The following OTOP1 variants were observed in gnomAD, a reference collection of about 807,000 sequenced individuals.
OTOP1 encodes the protein otopetrin 1.
A neutral mutation model predicts 52.9 loss-of-function variants in OTOP1; 59 were observed. The ratio of observed to expected loss-of-function variants is 1.12; its 90% confidence interval spans 0.91 to 1.39. OTOP1 has a LOEUF of 1.39. OTOP1 is among the 40% of genes most tolerant of loss of function. The probability of loss-of-function intolerance (pLI) is 0.00; values close to 1 mark genes in which losing one functional copy is unlikely to be tolerated. For synonymous variants in OTOP1, 317 were observed against 337.7 expected, an observed-to-expected ratio of 0.94 and a Z score of 0.67; for missense variants, 761 against 800.9, an observed-to-expected ratio of 0.95 and a Z score of 0.60.
At chr4:4,223,406 G>T (rs1717343640) in intron 1 of OTOP1, among the ~76,000 whole-genome samples, 2 of 121,696 alleles carry the variant, frequency 1.6e-5, no homozygotes, top group African/African-American at 7.1e-5. Context: ...TGGATGGACG[G>T]ACAGATGGAT....
chr4:4,199,518 T>C (rs1032613956), intron 4 of OTOP1, among the ~76,000 whole-genome samples: 2 of 152,014 alleles, frequency 1.3e-5, no homozygotes, highest in Admixed American at 1.3e-4. Flanking sequence ...TGCTCAAGCA[T>C]CCTCCTACTT....
At chr4:4,208,256 G>A (rs1716952489) in intron 2 of OTOP1, among the ~76,000 whole-genome samples, 1 of 152,200 alleles carries the variant, frequency 6.6e-6, no homozygotes, top group Non-Finnish European at 1.5e-5. Context: ...CAAATTGTGA[G>A]GGAGGTTTGT....
rs143243019 is a variant in OTOP1 at position 4,197,975 on chromosome 4, C to T, written c.859G>A (p.Val287Ile). 3.1e-5 allele frequency: 50 copies of T among 1,613,820 alleles called. No individual in the cohort carries two copies. The African/African-American group carries it at 3.9e-4, about 13-fold the overall frequency. ...TTGCGCCCGATGTTCTTCCACAGGA[C>T]GTAGAGCATTGTGGAGGCCAGGATC... The part of the protein sequence containing the change: ...YQILASTMLY[V>I]LWKNIGRKVD... Residue 287 changes from valine (V) to isoleucine (I), a missense_variant, in exon 5 of 6, where the codon GTC (valine) becomes ATC (isoleucine). Val to Ile is a conservative substitution (Grantham distance 29). Around this residue, in one of 3 missense-constraint regions of OTOP1, gnomAD observed 632 missense variants for 619.5 expected, o/e 1.02. Coordinates refer to ENST00000296358, the MANE Select transcript of OTOP1 (RefSeq NM_177998.3).
At chr4:4,196,576 A>G (rs1164369053) in intron 5 of OTOP1, among the ~76,000 whole-genome samples, 1 of 152,088 alleles carries the variant, frequency 6.6e-6, no homozygotes, top group Non-Finnish European at 1.5e-5. Context: ...AGAGTTTTTT[A>G]AATTAGCCAG....
chr4:4,191,262 T>A (rs1431548265), intron 5 of OTOP1, among the ~76,000 whole-genome samples: 1 of 152,110 alleles, frequency 6.6e-6, no homozygotes, highest in Non-Finnish European at 1.5e-5. Flanking sequence ...TCTCCACCTG[T>A]CCATCCAGAC....
chr4:4,222,914 G>A lies in OTOP1; in HGVS notation c.403+3548C>T, dbSNP rs190379406. On this transcript the variant is annotated intron_variant, in intron 1 of 5. Transcript: ENST00000296358. ...TGAGGAACCCACAGGAATGGCCAGG[G>A]CTTTGCAAACTGCTTCTCTCAACAT... Among the ~76,000 whole-genome samples, 95 of 152,282 alleles carry A rather than the reference G, an allele frequency of 6.2e-4. 1 individual carries two copies. The highest frequency in any genetic ancestry group is 2.1e-3 in the African/African-American group (86 of 41,546).
chr4:4,210,998 C>A (rs1435148450), intron 2 of OTOP1, among the ~76,000 whole-genome samples: 2 of 152,150 alleles, frequency 1.3e-5, no homozygotes, highest in Non-Finnish European at 2.9e-5. Flanking sequence ...CAACTCAGTC[C>A]ATAACAGCTT....
At chr4:4,217,597 A>C (rs986228975) in intron 1 of OTOP1, among the ~76,000 whole-genome samples, 1 of 152,260 alleles carries the variant, frequency 6.6e-6, no homozygotes, top group African/African-American at 2.4e-5. Flanking sequence ...TCTGCCCTTG[A>C]GGAGTTTCAC....
intron 1 of OTOP1, among the ~76,000 whole-genome samples, chr4:4,217,848 A>T (rs1717184034): frequency 6.6e-6 from 1 of 152,192 alleles, no homozygotes; most frequent in Admixed American, 6.5e-5. Flanking sequence ...AGTCCCCAAA[A>T]GAGGGGAAGA....
chr4:4,223,614 A>G (rs1717352896), intron 1 of OTOP1, among the ~76,000 whole-genome samples: 1 of 152,152 alleles, frequency 6.6e-6, no homozygotes, highest in African/African-American at 2.4e-5. Flanking sequence ...TTCTAAATGC[A>G]CCAGGCCGGG....
At chr4:4,195,706 G>A (rs919693338) in intron 5 of OTOP1, among the ~76,000 whole-genome samples, 45 of 152,210 alleles carry the variant, frequency 3.0e-4, no homozygotes, top group African/African-American at 1.0e-3. Context: ...TGAAGACACT[G>A]CGAATCAAAT....
At chr4:4,216,821 C>G (rs1577183593) in intron 1 of OTOP1, among the ~76,000 whole-genome samples, 1 of 152,328 alleles carries the variant, frequency 6.6e-6, no homozygotes, top group East Asian at 1.9e-4. Context: ...TGAGTCACTT[C>G]CTGCTCCCAG....
intron 2 of OTOP1, among the ~76,000 whole-genome samples, chr4:4,211,612 A>G (rs1822320): frequency 0.59 from 89,650 of 151,970 alleles, 27,212 homozygotes; most frequent in African/African-American, 0.71. Flanking sequence ...AAAAACAGAC[A>G]GTAGAAGCTG....
chr4:4,203,592 A>G (rs1220699878), intron 3 of OTOP1, among the ~76,000 whole-genome samples: 1 of 152,232 alleles, frequency 6.6e-6, no homozygotes, highest in Admixed American at 6.5e-5. Flanking sequence ...CGAGAGATCC[A>G]TGGGGAATGC....
Position 4,198,824 on chromosome 4 carries a change from G to C in OTOP1, c.731-721C>G, listed in dbSNP as rs377372245. ...TCACCAAAGCCCTAAAGGCGATGCAGTCTCTGACCCATAATTCTGTTCTTT... is the reference window on the plus strand; with the variant it reads ...TCACCAAAGCCCTAAAGGCGATGCACTCTCTGACCCATAATTCTGTTCTTT... On this transcript the variant is annotated intron_variant, in intron 4 of 5. Coordinates refer to ENST00000296358, the MANE Select transcript of OTOP1 (RefSeq NM_177998.3). 1.6e-3 allele frequency among the ~76,000 whole-genome samples: 242 copies of C among 152,294 alleles called. 1 individual carries two copies. Among genetic ancestry groups the C allele is most frequent in the African/African-American group, 5.4e-3 (225 of 41,572 alleles).
intron 5 of OTOP1, among the ~76,000 whole-genome samples, chr4:4,189,388 T>C (rs1716453672): frequency 6.6e-6 from 1 of 152,238 alleles, no homozygotes; most frequent in Non-Finnish European, 1.5e-5. Flanking sequence ...CTACACACTG[T>C]TCCCTGCTTC....
chr4:4,199,676 G>T (rs1716736276), intron 4 of OTOP1, among the ~76,000 whole-genome samples: 1 of 152,160 alleles, frequency 6.6e-6, no homozygotes, highest in African/African-American at 2.4e-5. Flanking sequence ...GCCTCCCAAA[G>T]TTCTGGGATT....
chr4:4,191,362 A>G (rs2108794401), intron 5 of OTOP1, among the ~76,000 whole-genome samples: 1 of 152,314 alleles, frequency 6.6e-6, no homozygotes, highest in Admixed American at 6.5e-5. Flanking sequence ...CATTTCATGG[A>G]AATCAGATCC....
rs762210577 is a variant in OTOP1 at position 4,197,440 on chromosome 4, G to A, written c.1394C>T (p.Thr465Ile). The change falls in exon 5 of 6, where the codon ACA becomes ATA. Residue 465 changes from threonine (T) to isoleucine (I), a missense_variant. By Grantham distance (89) the Thr-to-Ile change is moderately conservative. This residue lies in a region of OTOP1 where 632 missense variants were observed against 619.5 expected (regional missense o/e 1.02). Transcript: ENST00000296358. ...GGGCATGGTGTTGCCATTGCAGACT[G>A]TGACCACCCGAAGGGTTTGGATGTC... is the stretch of plus-strand genomic sequence containing the variant. Reference protein sequence around the residue: ...SEDIQTLRVVTVCNGNTMPLA... With the variant: ...SEDIQTLRVVIVCNGNTMPLA... 1 of 1,614,084 alleles carries A rather than the reference G, an allele frequency of 6.2e-7. No homozygotes were observed. Among genetic ancestry groups the A allele is most frequent in the African/African-American group, 1.3e-5 (1 of 75,020 alleles).
Sources: allele counts gnomAD v4.1 joint callset (sites outside exome capture counted in the v4.1 genomes callset), GRCh38; gene constraint gnomAD v4.1.1; regional missense constraint gnomAD v4.1.1; transcripts MANE v1.5; gene names NCBI Gene and HGNC (gene_info 2026-07-23, HGNC 2026-07-21).